Variants in PCDH15 observed in about 807,000 individuals in gnomAD.
PCDH15 encodes protocadherin related 15.
Under a neutral mutation model 178.5 loss-of-function variants are expected in PCDH15, and 129 were observed. That is an observed-to-expected ratio of 0.72 (90% CI 0.63 to 0.84). PCDH15 has a LOEUF of 0.84. Among genes scored for constraint, PCDH15 ranks in the 40% least tolerant of loss-of-function variants. PCDH15 has a pLI of 0.00. For synonymous variants in PCDH15, 800 were observed against 732.0 expected, an observed-to-expected ratio of 1.09 and a Z score of -1.50; for missense variants, 2,230 against 2,099.9, an observed-to-expected ratio of 1.06 and a Z score of -1.21.
chr10:54,567,760 A>G (rs2089254141), intron 2 of PCDH15, among the ~76,000 whole-genome samples: 1 of 152,240 alleles, frequency 6.6e-6, no homozygotes, highest in Admixed American at 6.5e-5. Context: ...AGGGAGTGAT[A>G]ATAAAATCAA....
chr10:54,444,966 A>T (rs1233740544), intron 3 of PCDH15, among the ~76,000 whole-genome samples: 1 of 151,384 alleles, frequency 6.6e-6, no homozygotes, highest in African/African-American at 2.4e-5. Context: ...TAATCTGACA[A>T]AATTAAGATA....
chr10:53,919,189 T>A (rs10825164), intron 25 of PCDH15, among the ~76,000 whole-genome samples: 77,753 of 151,930 alleles, frequency 0.51, 21,758 homozygotes, highest in Middle Eastern at 0.7. Flanking sequence ...TTATGTAAAT[T>A]AATATCTTCC....
chr10:54,611,002 C>T (rs2092943130), intron 2 of PCDH15, among the ~76,000 whole-genome samples: 1 of 151,788 alleles, frequency 6.6e-6, no homozygotes, highest in East Asian at 1.9e-4. Flanking sequence ...CACAGAACAA[C>T]ATATCTTTGC....
At chr10:53,896,106 T>C (rs2133559622) in intron 26 of PCDH15, among the ~76,000 whole-genome samples, 1 of 152,126 alleles carries the variant, frequency 6.6e-6, no homozygotes, top group South Asian at 2.1e-4. Context: ...TTGATATTAT[T>C]TTATTTATTC....
chr10:55,215,003 C>A (rs574705387), intron 1 of PCDH15, among the ~76,000 whole-genome samples: 1 of 152,008 alleles, frequency 6.6e-6, no homozygotes, highest in Non-Finnish European at 1.5e-5. Context: ...CACTTTAATG[C>A]ACTCTTTATT....
chr10:55,602,619 C>A (rs1161262476), intron 2 of PCDH15, among the ~76,000 whole-genome samples: 17 of 152,002 alleles, frequency 1.1e-4, no homozygotes, highest in African/African-American at 3.1e-4. Context: ...CACCCCCCAG[C>A]AGGGGCACAC....
chr10:54,475,772 T>C (rs1009659104), intron 3 of PCDH15, among the ~76,000 whole-genome samples: 1 of 151,564 alleles, frequency 6.6e-6, no homozygotes, highest in Non-Finnish European at 1.5e-5. Flanking sequence ...AAGATGATGA[T>C]GATGATTGTG....
At chr10:55,526,088 C>T (rs1349847053) in intron 2 of PCDH15, among the ~76,000 whole-genome samples, 2 of 151,872 alleles carry the variant, frequency 1.3e-5, no homozygotes, top group African/African-American at 4.8e-5. Context: ...TATTCAGTAT[C>T]CCTCACTTAA....
intron 21 of PCDH15, among the ~76,000 whole-genome samples, chr10:53,964,275 T>A (rs2088699387): frequency 6.6e-6 from 1 of 151,926 alleles, no homozygotes; most frequent in Non-Finnish European, 1.5e-5. Flanking sequence ...GAATACAAGC[T>A]TTATTAGGGT....
At chr10:55,112,729 C>T (rs1837539254) in intron 2 of PCDH15, among the ~76,000 whole-genome samples, 1 of 152,034 alleles carries the variant, frequency 6.6e-6, no homozygotes, top group Non-Finnish European at 1.5e-5. Context: ...ATATCAGGCA[C>T]CTACTTAAAA....
chr10:54,280,478 GTCT>G (rs1456192465), intron 8 of PCDH15, among the ~76,000 whole-genome samples: 3 of 151,680 alleles, frequency 2.0e-5, no homozygotes, highest in Admixed American at 6.6e-5. Flanking sequence ...TTTATTGTTG[GTCT>G]TCTTTCTTTC....
At chr10:54,643,254 T>C (rs529736178) in intron 2 of PCDH15, among the ~76,000 whole-genome samples, 3 of 152,178 alleles carry the variant, frequency 2.0e-5, no homozygotes, top group Non-Finnish European at 4.4e-5. Flanking sequence ...CTCTGACATA[T>C]GTTTTTTCAT....
intron 3 of PCDH15, among the ~76,000 whole-genome samples, chr10:54,419,844 C>A (rs932399896): frequency 2.6e-5 from 4 of 151,980 alleles, no homozygotes; most frequent in Non-Finnish European, 5.9e-5. Context: ...ATTTTTACTA[C>A]AAAGCTTAGG....
chr10:54,977,336 G>C (rs1344780004), intron 2 of PCDH15, among the ~76,000 whole-genome samples: 2 of 152,282 alleles, frequency 1.3e-5, no homozygotes, highest in African/African-American at 4.8e-5. Flanking sequence ...TGATGGTAAA[G>C]AAGTTGGCCA....
chr10:55,022,780 G>A (rs1424689124), intron 2 of PCDH15, among the ~76,000 whole-genome samples: 15 of 140,198 alleles, frequency 1.1e-4, no homozygotes, highest in Admixed American at 5.9e-4. Flanking sequence ...GCGCGATCTC[G>A]GCTCACTGCA....
At chr10:54,945,559 A>G (rs181772333) in intron 2 of PCDH15, among the ~76,000 whole-genome samples, 1 of 151,810 alleles carries the variant, frequency 6.6e-6, no homozygotes, top group Non-Finnish European at 1.5e-5. Context: ...TGAAGAGCAT[A>G]TAAATATATA....
At chr10:54,100,528 T>C (rs1252936916) in intron 15 of PCDH15, among the ~76,000 whole-genome samples, 1 of 152,162 alleles carries the variant, frequency 6.6e-6, no homozygotes, top group Non-Finnish European at 1.5e-5. Context: ...ATTCTGATAC[T>C]CAGATAAAAT....
chr10:54,255,523 G>C (rs1331734237), intron 8 of PCDH15, among the ~76,000 whole-genome samples: 1 of 152,066 alleles, frequency 6.6e-6, no homozygotes, highest in African/African-American at 2.4e-5. Flanking sequence ...AGTTTATGCT[G>C]CAAAATGTCA....
intron 2 of PCDH15, among the ~76,000 whole-genome samples, chr10:55,365,407 C>A (rs1168880871): frequency 6.6e-6 from 1 of 152,130 alleles, no homozygotes; most frequent in Non-Finnish European, 1.5e-5. Flanking sequence ...TTGTCATGAG[C>A]AGCTCTATAA....
Sources: allele counts gnomAD v4.1 joint callset (sites outside exome capture counted in the v4.1 genomes callset), GRCh38; gene constraint gnomAD v4.1.1; transcripts MANE v1.5; gene names NCBI Gene and HGNC (gene_info 2026-07-23, HGNC 2026-07-21).